LARGE1: variants seen among roughly 807,000 people sequenced by gnomAD.
LARGE1 encodes LARGE xylosyl- and glucuronyltransferase 1.
A neutral mutation model predicts 87.6 loss-of-function variants in LARGE1; 43 were observed. The observed-to-expected ratio is 0.49, with a 90% CI of 0.38 to 0.63. LARGE1 has a LOEUF of 0.63. LARGE1 is among the 30% of genes least tolerant of loss of function. LARGE1 has a pLI of 0.00. For missense variants in LARGE1, 802 were observed against 1,000.2 expected, an observed-to-expected ratio of 0.80 and a Z score of 2.67; for synonymous variants, 434 against 394.6, an observed-to-expected ratio of 1.10 and a Z score of -1.18.
At chr22:33,869,830 G>A (rs1406930801) in intron 1 of LARGE1, among the ~76,000 whole-genome samples, 1 of 152,176 alleles carries the variant, frequency 6.6e-6, no homozygotes, top group Non-Finnish European at 1.5e-5. Context: ...GATGTTCAGA[G>A]AACTGCCCAA....
chr22:33,780,580 T>C (rs997535378), intron 1 of LARGE1, among the ~76,000 whole-genome samples: 1 of 152,232 alleles, frequency 6.6e-6, no homozygotes, highest in African/African-American at 2.4e-5. Context: ...CAACTGACTA[T>C]GACCCTGATG....
intron 6 of LARGE1, among the ~76,000 whole-genome samples, chr22:33,549,478 T>C (rs758843712): frequency 6.6e-6 from 1 of 152,192 alleles, no homozygotes; most frequent in Non-Finnish European, 1.5e-5. Context: ...GTGAATGCTT[T>C]TGAGTCTGGT....
chr22:33,735,164 G>C lies in LARGE1; in HGVS notation c.106+26207C>G, dbSNP rs938032994. Among the ~76,000 whole-genome samples, 3 of 152,110 alleles carry C rather than the reference G, an allele frequency of 2.0e-5. No individual in the cohort carries two copies. In the South Asian group the frequency reaches 6.2e-4, roughly 31 times the overall value. Reference sequence around the variant, plus strand: ...AAAGGCTGATCATGAAAGAAGCTTTGGCCCTTCTCAGCCAGGAGAAGGCAC... The same window carrying C: ...AAAGGCTGATCATGAAAGAAGCTTTCGCCCTTCTCAGCCAGGAGAAGGCAC... On this transcript the variant is annotated intron_variant, in intron 2 of 14. Transcript: ENST00000397394.
chr22:33,572,451 C>T (rs1178994850), intron 5 of LARGE1, among the ~76,000 whole-genome samples: 1 of 152,264 alleles, frequency 6.6e-6, no homozygotes, highest in East Asian at 1.9e-4. Context: ...ACCAGCCTGG[C>T]AAAGTCACCT....
Position 33,198,676 on chromosome 22 carries a change from C to CACATACACACAT in LARGE1, c.1731-31845_1731-31844insATGTGTGTATGT, listed in dbSNP as rs60375534. Among the ~76,000 whole-genome samples the CACATACACACAT allele has an allele frequency of 7.3e-3, 1,078 of 148,558 alleles. 20 individuals carry two copies. Among genetic ancestry groups the CACATACACACAT allele is most frequent in the African/African-American group, 0.026 (1,033 of 39,990 alleles). On this transcript the variant is annotated intron_variant, in intron 11 of 11. Transcript: ENST00000608642. ...ACACACACACACACACACACACACACGTATCTAAAATACTATACTACATGG... is the reference window on the plus strand; with the variant it reads ...ACACACACACACACACACACACACACACATACACACATGTATCTAAAATACTATACTACATGG...
chr22:33,254,341 TG>T (rs555977287), intron 11 of LARGE1, among the ~76,000 whole-genome samples: 43 of 152,348 alleles, frequency 2.8e-4, no homozygotes, highest in African/African-American at 9.9e-4. Flanking sequence ...CTAGGACAGC[TG>T]GCAGTCTTTG....
In LARGE1 at chr22:33,324,147, T is replaced by C. The variant is rs555512587; in HGVS notation, c.1288-7899A>G. Among the ~76,000 whole-genome samples the C allele has an allele frequency of 1.1e-3, 153 of 139,026 alleles. 1 individual carries two copies. Among genetic ancestry groups the C allele is most frequent in the Admixed American group, 0.011 (133 of 12,434 alleles). The allele number at this position is 139,026 out of a possible 152,430, so 91.2% of individuals were successfully genotyped here. A position where few individuals can be genotyped will look rare whatever the true frequency, so the allele number is the denominator to read the frequency against. ...CTCGGGAGGCTAAGGCAGAACAGCTTGAACCCAGGAGGTGGAGGTTGCAGT... is the reference window on the plus strand; with the variant it reads ...CTCGGGAGGCTAAGGCAGAACAGCTCGAACCCAGGAGGTGGAGGTTGCAGT... On this transcript the variant is annotated intron_variant, in intron 10 of 14. Transcript: ENST00000397394.
chr22:33,586,267 AC>A (rs1473868931), intron 5 of LARGE1, among the ~76,000 whole-genome samples: 1 of 152,150 alleles, frequency 6.6e-6, no homozygotes, highest in Non-Finnish European at 1.5e-5. Flanking sequence ...GCTCGCATGC[AC>A]ACAAAGCCTC....
intron 2 of LARGE1, among the ~76,000 whole-genome samples, chr22:33,709,096 T>A (rs1287930058): frequency 1.2e-4 from 18 of 152,208 alleles, no homozygotes. Flanking sequence ...CCCAGTCACA[T>A]TCCTGGGTAT....
chr22:33,889,139 G>A (rs1028529681), intron 1 of LARGE1: 8 of 152,116 alleles, frequency 5.3e-5, no homozygotes, highest in African/African-American at 1.4e-4. Context: ...AATTCTTACC[G>A]AGCTCCCTTC....
intron 5 of LARGE1, among the ~76,000 whole-genome samples, chr22:33,576,113 T>C (rs1024411224): frequency 6.6e-6 from 1 of 152,230 alleles, no homozygotes; most frequent in African/African-American, 2.4e-5. Context: ...CTGATCTTAA[T>C]AATTTTAGAA....
At chr22:33,561,921 G>A (rs566841066) in intron 6 of LARGE1, among the ~76,000 whole-genome samples, 43 of 152,282 alleles carry the variant, frequency 2.8e-4, no homozygotes, top group Admixed American at 1.6e-3. Context: ...TAGGAACAAG[G>A]GGCTTTCACA....
chr22:33,514,944 C>G (rs1010614675), intron 6 of LARGE1, among the ~76,000 whole-genome samples: 1 of 152,116 alleles, frequency 6.6e-6, no homozygotes, highest in African/African-American at 2.4e-5. Context: ...ACAGCATGAA[C>G]CAGGCACTGT....
At chr22:33,476,059 G>A (rs188561272) in intron 6 of LARGE1, among the ~76,000 whole-genome samples, 7 of 152,174 alleles carry the variant, frequency 4.6e-5, no homozygotes, top group Non-Finnish European at 1.0e-4. Context: ...CAAAAGCTAC[G>A]TATCTTCCTC....
rs532835129 is a variant in LARGE1, at chr22:33,259,054, AT to A, written c.1730+45174del. Reference sequence around the variant, plus strand: ...CACCACACCTGGCTAATATATTTGTATTTTTAGTAGAGACGAGATTTCACCA... The same window carrying A: ...CACCACACCTGGCTAATATATTTGTATTTTAGTAGAGACGAGATTTCACCA... On this transcript the variant is annotated intron_variant, in intron 11 of 11. Coordinates refer to the LARGE1 transcript ENST00000608642. 1.6e-3 allele frequency among the ~76,000 whole-genome samples: 237 copies of A among 151,930 alleles called. 2 individuals are homozygous for A. Among genetic ancestry groups the A allele is most frequent in the African/African-American group, 5.4e-3 (224 of 41,432 alleles).
chr22:33,466,719 C>CACACACACACACAG, intron 6 of LARGE1, among the ~76,000 whole-genome samples: 2 of 151,790 alleles, frequency 1.3e-5, no homozygotes, highest in South Asian at 4.2e-4. Context: ...CACACATACA[C>CACACACACACACAG]ACACACACTA....
chr22:33,281,315 A>G (rs1429091824), intron 13 of LARGE1, among the ~76,000 whole-genome samples: 1 of 152,044 alleles, frequency 6.6e-6, no homozygotes, highest in Non-Finnish European at 1.5e-5. Flanking sequence ...CATTCATGGG[A>G]GACTTATATT....
At chr22:33,814,770 C>T (rs1405991296) in intron 1 of LARGE1, among the ~76,000 whole-genome samples, 1 of 151,756 alleles carries the variant, frequency 6.6e-6, no homozygotes, top group Non-Finnish European at 1.5e-5. Flanking sequence ...CTACACCATC[C>T]TATTGGGTCA....
chr22:33,073,121 G>A, the LARGE1 span, among the ~76,000 whole-genome samples: 1 of 152,194 alleles, frequency 6.6e-6, no homozygotes, highest in African/African-American at 2.4e-5. Flanking sequence ...TCCCCCATAT[G>A]GGGTGGGGTA....
Sources: gnomAD v4.1 joint callset for allele counts (sites outside exome capture counted in the v4.1 genomes callset) on GRCh38, gnomAD v4.1.1 for gene constraint, MANE v1.5 for transcripts, NCBI Gene and HGNC (gene_info 2026-07-23, HGNC 2026-07-21) for gene names.